Variants in TMEM163 observed in about 807,000 individuals in gnomAD.
TMEM163 encodes transmembrane protein 163.
In TMEM163, 17 loss-of-function variants were observed where a neutral mutation model predicts 29.3. That is an observed-to-expected ratio of 0.58 (90% confidence interval 0.40 to 0.87). TMEM163 has a LOEUF of 0.87. Ranked by LOEUF, TMEM163 falls within the 40% of genes least tolerant of loss-of-function variation. TMEM163 has a pLI of 0.00. For missense variants in TMEM163, 303 were observed against 381.5 expected (o/e 0.79, Z 1.71); for synonymous variants, 157 against 160.6 (o/e 0.98, Z 0.17).
rs953653270 is a variant in TMEM163 at position 134,557,421 on chromosome 2, A to T, written c.323-5330T>A. On this transcript the variant is annotated intron_variant, in intron 2 of 7. Transcript: ENST00000281924. ...CCAATGTTAAAGACATGCCCATGAC[A>T]CAGCCTCAGGAGGTCCTGACCGCAT... Among the ~76,000 whole-genome samples, 21 of 152,214 alleles carry T rather than the reference A, an allele frequency of 1.4e-4. 1 individual carries two copies. The highest frequency in any genetic ancestry group is 5.1e-4 in the African/African-American group (21 of 41,452).
chr2:134,586,581 AATCTT>A (rs2104798881), intron 2 of TMEM163, among the ~76,000 whole-genome samples: 1 of 152,312 alleles, frequency 6.6e-6, no homozygotes, highest in East Asian at 1.9e-4. Flanking sequence ...CATCTGCAAC[AATCTT>A]ATTTCCAAAG....
At chr2:134,715,315 A>C (rs1405011182) in intron 1 of TMEM163, among the ~76,000 whole-genome samples, 2 of 152,008 alleles carry the variant, frequency 1.3e-5, no homozygotes, top group East Asian at 1.9e-4. Context: ...GTGAAACAGC[A>C]CCCCCCTGGA....
chr2:134,685,128 A>G (rs1356304185), intron 2 of TMEM163, among the ~76,000 whole-genome samples: 1 of 152,134 alleles, frequency 6.6e-6, no homozygotes, highest in Non-Finnish European at 1.5e-5. Flanking sequence ...TAATTGACAG[A>G]ATATGTCTTC....
intron 4 of TMEM163, among the ~76,000 whole-genome samples, chr2:134,519,003 G>C (rs1680136507): frequency 6.6e-6 from 1 of 152,130 alleles, no homozygotes; most frequent in Non-Finnish European, 1.5e-5. Context: ...ACCAAATGCA[G>C]ACCCAGGACT....
intron 2 of TMEM163, among the ~76,000 whole-genome samples, chr2:134,592,136 A>G (rs1681949444): frequency 1.3e-5 from 2 of 152,206 alleles, no homozygotes; most frequent in South Asian, 4.1e-4. Context: ...GTTTGTCTGA[A>G]GACTTGAAGT....
chr2:134,672,423 C>T (rs551403145), intron 2 of TMEM163, among the ~76,000 whole-genome samples: 1 of 152,148 alleles, frequency 6.6e-6, no homozygotes, highest in Non-Finnish European at 1.5e-5. Context: ...CCTATGTGAG[C>T]TCATACACAG....
In TMEM163 at chr2:134,647,921, C is replaced by T. The variant is rs113320372; in HGVS notation, c.322+65279G>A. ...GTGGCAGCATCTAGGAGGGTGCCCA[C>T]GACCCCTGAAGCCCCAGAAAGTGTG... On this transcript the variant is annotated intron_variant, in intron 2 of 7. Coordinates refer to ENST00000281924, the MANE Select transcript of TMEM163 (RefSeq NM_030923.5). Among the ~76,000 whole-genome samples the T allele has an allele frequency of 5.1e-3, 777 of 152,320 alleles. 9 individuals are homozygous for T. Among genetic ancestry groups the T allele is most frequent in the African/African-American group, 0.018 (735 of 41,572 alleles).
chr2:134,577,318 A>G lies in TMEM163; in HGVS notation c.323-25227T>C, dbSNP rs77584344. 7.8e-3 allele frequency among the ~76,000 whole-genome samples: 1,183 copies of G among 152,294 alleles called. 13 individuals carry two copies. Among genetic ancestry groups the G allele is most frequent in the African/African-American group, 0.027 (1,122 of 41,554 alleles). On this transcript the variant is annotated intron_variant, in intron 2 of 7. Coordinates refer to ENST00000281924, the MANE Select transcript of TMEM163 (RefSeq NM_030923.5). Reference sequence around the variant, plus strand: ...TTCATATGGTCTTGTTCCTTCCCTCAGGAAACACCTATATCAGCCAAGGTC... The same window carrying G: ...TTCATATGGTCTTGTTCCTTCCCTCGGGAAACACCTATATCAGCCAAGGTC...
In TMEM163 at chr2:134,474,709, G is replaced by A. The variant is rs142020687; in HGVS notation, c.556-8484C>T. Reference sequence around the variant, plus strand: ...CCAAGTTAGCAAGTAAAACTCAACTGTATTTCTGTACACTAGCTAGAAATA... The same window carrying A: ...CCAAGTTAGCAAGTAAAACTCAACTATATTTCTGTACACTAGCTAGAAATA... On this transcript the variant is annotated intron_variant, in intron 5 of 7. Transcript: ENST00000281924. Among the ~76,000 whole-genome samples the A allele has an allele frequency of 4.4e-3, 675 of 152,228 alleles. 3 individuals are homozygous for A. The highest frequency in any genetic ancestry group is 0.016 in the African/African-American group (647 of 41,550).
chr2:134,628,227 T>G (rs779156034), intron 2 of TMEM163, among the ~76,000 whole-genome samples: 3 of 152,224 alleles, frequency 2.0e-5, no homozygotes, highest in Non-Finnish European at 4.4e-5. Context: ...TATAGCTACT[T>G]CTTGAAGTAT....
intron 4 of TMEM163, among the ~76,000 whole-genome samples, chr2:134,505,843 GCTTA>G (rs1284149500): frequency 4.6e-5 from 7 of 152,152 alleles, no homozygotes; most frequent in African/African-American, 1.7e-4. Flanking sequence ...GTAATTTATT[GCTTA>G]CTTATCTTTA....
chr2:134,628,515 T>C (rs1162671365), intron 2 of TMEM163, among the ~76,000 whole-genome samples: 3 of 152,252 alleles, frequency 2.0e-5, no homozygotes, highest in Non-Finnish European at 4.4e-5. Context: ...AGTTTTGTTC[T>C]GAGGGACTGG....
At chr2:134,596,079 G>A (rs577525247) in intron 2 of TMEM163, among the ~76,000 whole-genome samples, 121 of 152,296 alleles carry the variant, frequency 7.9e-4, no homozygotes, top group African/African-American at 2.8e-3. Context: ...TCACTCTGAT[G>A]GTAGTTTCTT....
chr2:134,578,635 C>T lies in TMEM163; in HGVS notation c.323-26544G>A, dbSNP rs1681617184. 2.0e-5 allele frequency among the ~76,000 whole-genome samples: 3 copies of T among 152,132 alleles called. No homozygotes were observed. In the South Asian group the frequency reaches 6.2e-4, roughly 32 times the overall value. ...AATACTATGCACAACCAAAGTAATA[C>T]TAACAAGCAGCTGTGATTATTCCCT... is the stretch of plus-strand genomic sequence containing the variant. On this transcript the variant is annotated intron_variant, in intron 2 of 7. Coordinates refer to ENST00000281924, the MANE Select transcript of TMEM163 (RefSeq NM_030923.5).
intron 4 of TMEM163, among the ~76,000 whole-genome samples, chr2:134,509,439 T>G (rs1295396793): frequency 6.6e-6 from 1 of 152,206 alleles, no homozygotes; most frequent in Non-Finnish European, 1.5e-5. Context: ...AGGCCTTTGG[T>G]ACCTGCACCA....
chr2:134,707,940 G>A (rs1684854349), intron 2 of TMEM163, among the ~76,000 whole-genome samples: 1 of 150,102 alleles, frequency 6.7e-6, no homozygotes, highest in Admixed American at 6.7e-5. Context: ...CCAGGCTGGA[G>A]TGCAATGGTG....
At chr2:134,517,261 A>G (rs545773557) in intron 4 of TMEM163, among the ~76,000 whole-genome samples, 46 of 152,278 alleles carry the variant, frequency 3.0e-4, no homozygotes, top group Admixed American at 6.5e-4. Context: ...GCTTACAGAG[A>G]ACTCTCGTGG....
intron 4 of TMEM163, among the ~76,000 whole-genome samples, chr2:134,522,956 C>G (rs1049411472): frequency 6.6e-6 from 1 of 152,200 alleles, no homozygotes; most frequent in Non-Finnish European, 1.5e-5. Flanking sequence ...AATTACCAGC[C>G]TGCTGGCTTT....
chr2:134,709,936 T>C (rs1220907409), intron 2 of TMEM163, among the ~76,000 whole-genome samples: 2 of 152,252 alleles, frequency 1.3e-5, no homozygotes, highest in African/African-American at 4.8e-5. Flanking sequence ...CAGAGATTCA[T>C]TTTTATTGAT....
Sources: allele counts gnomAD v4.1 joint callset (sites outside exome capture counted in the v4.1 genomes callset), GRCh38; gene constraint gnomAD v4.1.1; transcripts MANE v1.5; gene names NCBI Gene and HGNC (gene_info 2026-07-23, HGNC 2026-07-21).